The following PDE1A variants were observed in gnomAD, a reference collection of about 807,000 sequenced individuals.
PDE1A encodes dual specificity calcium/calmodulin-dependent 3',5'-cyclic nucleotide phosphodiesterase 1A.
A neutral mutation model predicts 61.7 loss-of-function variants in PDE1A; 35 were observed. The ratio of observed to expected loss-of-function variants is 0.57; its 90% CI spans 0.43 to 0.75. PDE1A has a LOEUF of 0.75. Ranked by LOEUF, PDE1A falls within the 30% of genes least tolerant of loss-of-function variation. The pLI is 0.00. For missense variants in PDE1A, 597 were observed against 630.6 expected (o/e 0.95, Z 0.57); for synonymous variants, 232 against 213.2 (o/e 1.09, Z -0.77).
intron 7 of PDE1A, among the ~76,000 whole-genome samples, chr2:182,218,595 T>A (rs2125583207): frequency 6.6e-6 from 1 of 152,274 alleles, no homozygotes; most frequent in South Asian, 2.1e-4. Context: ...ACCACAATTC[T>A]ACTCTAGTAT....
the PDE1A span, among the ~76,000 whole-genome samples, chr2:182,571,216 G>A: frequency 6.6e-6 from 1 of 152,222 alleles, no homozygotes; most frequent in Admixed American, 6.5e-5. Flanking sequence ...TTTTTAGTTT[G>A]CAATTCAAAC....
intron 1 of PDE1A, among the ~76,000 whole-genome samples, chr2:182,291,910 A>C (rs1025278971): frequency 6.6e-6 from 1 of 152,142 alleles, no homozygotes; most frequent in Admixed American, 6.5e-5. Flanking sequence ...AAATATATTC[A>C]TTGTGTTTCC....
intron 10 of PDE1A, among the ~76,000 whole-genome samples, chr2:182,190,740 G>T (rs934376978): frequency 1.2e-4 from 19 of 152,036 alleles, no homozygotes; most frequent in Non-Finnish European, 2.2e-4. Context: ...GATGGATCAC[G>T]AAGTCAGGAG....
chr2:182,696,586 T>C, the PDE1A span, among the ~76,000 whole-genome samples: 1 of 152,172 alleles, frequency 6.6e-6, no homozygotes, highest in African/African-American at 2.4e-5. Context: ...ATCTATAGAA[T>C]GTACAACACC....
chr2:182,270,143 C>A (rs1295367582), intron 1 of PDE1A, among the ~76,000 whole-genome samples: 1 of 152,086 alleles, frequency 6.6e-6, no homozygotes, highest in African/African-American at 2.4e-5. Flanking sequence ...GACTTCCTTA[C>A]CTTCTAACGA....
chr2:182,683,760 T>C, the PDE1A span, among the ~76,000 whole-genome samples: 7 of 152,146 alleles, frequency 4.6e-5, no homozygotes, highest in African/African-American at 1.7e-4. Context: ...GGTAAAGACC[T>C]GAAAATCAAG....
chr2:182,175,385 G>A (rs1329307268), intron 13 of PDE1A, among the ~76,000 whole-genome samples: 1 of 151,898 alleles, frequency 6.6e-6, no homozygotes, highest in Non-Finnish European at 1.5e-5. Flanking sequence ...TCTAACTGGT[G>A]TGAGATGGTA....
At chr2:182,313,418 A>G (rs1171715255) in intron 1 of PDE1A, among the ~76,000 whole-genome samples, 2 of 152,206 alleles carry the variant, frequency 1.3e-5, no homozygotes, top group Admixed American at 1.3e-4. Context: ...CGTCTCAAAA[A>G]AAAAAGTAAA....
At chr2:182,258,326 GA>G (rs893624573) in intron 2 of PDE1A, among the ~76,000 whole-genome samples, 67 of 152,156 alleles carry the variant, frequency 4.4e-4, no homozygotes, top group Middle Eastern at 3.4e-3. Flanking sequence ...TGGACTTGAG[GA>G]AAAAAATAGG....
chr2:182,262,727 GAATAA>G (rs1398592071), intron 2 of PDE1A, among the ~76,000 whole-genome samples: 1 of 150,940 alleles, frequency 6.6e-6, no homozygotes, highest in Non-Finnish European at 1.5e-5. Flanking sequence ...TAAAAAATCA[GAATAA>G]AATAAAAGGA....
At chr2:182,261,196 C>T (rs1471167080) in intron 2 of PDE1A, among the ~76,000 whole-genome samples, 2 of 152,134 alleles carry the variant, frequency 1.3e-5, no homozygotes, top group African/African-American at 4.8e-5. Flanking sequence ...TAGGAATACT[C>T]TGAGAAGAGT....
At chr2:182,664,579 A>G in the PDE1A span, among the ~76,000 whole-genome samples, 1 of 152,204 alleles carries the variant, frequency 6.6e-6, no homozygotes, top group East Asian at 1.9e-4. Context: ...TTTGGCTTAA[A>G]ATGCTAAGTA....
At chr2:182,548,222 G>A in the PDE1A span, among the ~76,000 whole-genome samples, 2 of 152,126 alleles carry the variant, frequency 1.3e-5, no homozygotes, top group Non-Finnish European at 2.9e-5. Context: ...AGAAACCTGT[G>A]CTCCAGATTC....
At chr2:182,622,224 C>G in the PDE1A span, among the ~76,000 whole-genome samples, 9 of 152,128 alleles carry the variant, frequency 5.9e-5, no homozygotes, top group African/African-American at 2.4e-5. Context: ...TGGTTCTAAA[C>G]CCTAGCTGCA....
the PDE1A span, among the ~76,000 whole-genome samples, chr2:182,554,380 G>A: frequency 6.6e-6 from 1 of 152,164 alleles, no homozygotes; most frequent in Non-Finnish European, 1.5e-5. Context: ...TAGAATCACA[G>A]ATTCTCAGGG....
the PDE1A span, among the ~76,000 whole-genome samples, chr2:182,704,196 G>A: frequency 7.2e-6 from 1 of 139,850 alleles, no homozygotes; most frequent in Non-Finnish European, 1.5e-5. Flanking sequence ...CAGCAAGAGA[G>A]AGACACTCCG....
intron 2 of PDE1A, among the ~76,000 whole-genome samples, chr2:182,246,559 A>G (rs1023774025): frequency 2.0e-5 from 3 of 150,758 alleles, no homozygotes; most frequent in Non-Finnish European, 4.4e-5. Flanking sequence ...GTGCCACCAC[A>G]CCCAGCTAAT....
chr2:182,587,724 T>C, the PDE1A span, among the ~76,000 whole-genome samples: 8 of 152,354 alleles, frequency 5.3e-5, no homozygotes, highest in East Asian at 1.4e-3. Context: ...TATCTAGTTA[T>C]ATTTGTCTAG....
At chr2:182,282,570 T>C (rs1342196263) in intron 1 of PDE1A, among the ~76,000 whole-genome samples, 1 of 152,118 alleles carries the variant, frequency 6.6e-6, no homozygotes, top group East Asian at 1.9e-4. Context: ...AACATCCCAA[T>C]ATTTGTAGGT....
Sources: allele counts gnomAD v4.1 joint callset (sites outside exome capture counted in the v4.1 genomes callset), GRCh38; gene constraint gnomAD v4.1.1; transcripts MANE v1.5; gene names NCBI Gene and HGNC (gene_info 2026-07-23, HGNC 2026-07-21).